Variants in CABP1 observed in about 807,000 individuals in gnomAD.
CABP1 encodes the protein calcium binding protein 1.
A neutral mutation model predicts 34.3 loss-of-function variants in CABP1; 17 were observed. That is an observed-to-expected ratio of 0.50 (90% CI 0.34 to 0.74). CABP1 has a LOEUF of 0.74. Ranked by LOEUF, CABP1 falls within the 30% of genes least tolerant of loss-of-function variation. The pLI is 0.01. For synonymous variants in CABP1, 198 were observed against 229.2 expected, an observed-to-expected ratio of 0.86 and a Z score of 1.23; for missense variants, 373 against 511.1, an observed-to-expected ratio of 0.73 and a Z score of 2.61.
intron 5 of CABP1, among the ~76,000 whole-genome samples, chr12:120,665,259 C>T (rs150029462): frequency 0.019 from 2,821 of 151,420 alleles, 92 homozygotes; most frequent in African/African-American, 0.065. Flanking sequence ...CCCGTCTCTA[C>T]TAAAAATACA....
chr12:120,656,255 G>A (rs1488321914), intron 1 of CABP1: 11 of 1,564,324 alleles, frequency 7.0e-6, no homozygotes, highest in African/African-American at 4.1e-5. Context: ...CAAGGGCTTC[G>A]CTGAGAACAG....
chr12:120,659,693 C>T (rs908843366), intron 1 of CABP1, 185 bp from the exon 2 acceptor site: 4 of 539,812 alleles, frequency 7.4e-6, no homozygotes, highest in Non-Finnish European at 1.3e-5. Context: ...GGCCCAGGAG[C>T]TTCTATGTCT....
Position 120,667,100 on chromosome 12 carries a change from G to GTTAGTT in CABP1, c.*200_*201insTTAGTT. On this transcript the variant is annotated 3_prime_UTR_variant, in exon 6 of 6. Transcript: ENST00000316803. ...CTAACTCCTGCAACTGGAAAGCGGGGGCGCCCGCCGACGAGGAGGCCACCG... is the reference window on the plus strand; with the variant it reads ...CTAACTCCTGCAACTGGAAAGCGGGGTTAGTTGCGCCCGCCGACGAGGAGGCCACCG... The GTTAGTT allele has an allele frequency of 1.6e-6, 1 of 634,626 alleles. No individual in the cohort carries two copies. Among genetic ancestry groups the GTTAGTT allele is most frequent in the Non-Finnish European group, 2.7e-6 (1 of 370,076 alleles). 39.3% of individuals were successfully genotyped at this position (634,626 alleles called of 1,614,324 possible).
Position 120,660,606 on chromosome 12 carries a change from T to C in CABP1, c.830-125T>C, listed in dbSNP as rs11065194. ...GGAAGAACTGAACAGAGGGCTCTTG[T>C]TATTATTAAGTTTGTCTCTATCTGA... On this transcript the variant is annotated intron_variant, in intron 3 of 5. Transcript: ENST00000316803. This position sits in a 1 kb window ranked among gnomAD's most constrained non-coding sequence, Gnocchi z 5.0. The C allele has an allele frequency of 0.027, 20,172 of 759,446 alleles. 1,279 individuals carry two copies. The highest frequency in any genetic ancestry group is 0.21 in the East Asian group (8,721 of 40,776). 47.0% of individuals were successfully genotyped at this position (759,446 alleles called of 1,614,324 possible). A position where few individuals can be genotyped will look rare whatever the true frequency, so the allele number is the denominator to read the frequency against.
chr12:120,652,933 A>G (rs937979824), intron 1 of CABP1, among the ~76,000 whole-genome samples: 1 of 152,090 alleles, frequency 6.6e-6, no homozygotes, highest in African/African-American at 2.4e-5. Flanking sequence ...GGGGAACTGG[A>G]AATGGTGAGA....
chr12:120,668,303 A>T (rs1038917281), downstream of CABP1, among the ~76,000 whole-genome samples: 4 of 152,152 alleles, frequency 2.6e-5, no homozygotes, highest in Admixed American at 6.5e-5. Context: ...TTCAAGACTA[A>T]CCTGACCAAC....
chr12:120,650,310 C>G, intron 1 of CABP1: 1 of 401,448 alleles, frequency 2.5e-6, no homozygotes, highest in African/African-American at 2.0e-5. Context: ...CAGCTTGGTT[C>G]CCCTCTGCCA....
rs1490942700 is a variant in CABP1 at position 120,661,792 on chromosome 12, CCTT to C, written c.1087+575_1087+577del. ...CTCTCCATTTTTCATCTGTTTATCT[CCTT>C]ATCTGTCCAGATGCCTATTTATCCA... On this transcript the variant is annotated intron_variant, in intron 5 of 5. Transcript: ENST00000316803. The surrounding 1 kb of genome is among the most constrained non-coding windows in gnomAD (Gnocchi z 5.1). 1 of 154,684 alleles carries C rather than the reference CCTT, an allele frequency of 6.5e-6. No individual in the cohort carries two copies. The highest frequency in any genetic ancestry group is 1.4e-5 in the Non-Finnish European group (1 of 69,510). 9.6% of individuals were successfully genotyped at this position (154,684 alleles called of 1,614,324 possible).
At chr12:120,666,754 C>A in intron 5 of CABP1, 121 bp from the exon 6 acceptor site, 4 of 1,074,624 alleles carry the variant, frequency 3.7e-6, no homozygotes, top group South Asian at 1.4e-5. Context: ...TTGGAGAGGG[C>A]GGAATGGATG....
At chr12:120,677,386 C>G in the CABP1 span, among the ~76,000 whole-genome samples, 5 of 141,666 alleles carry the variant, frequency 3.5e-5, no homozygotes, top group Admixed American at 2.9e-4. Flanking sequence ...CTATGCCCAG[C>G]CTTCTTTTTT....
chr12:120,673,924 G>C, the CABP1 span, among the ~76,000 whole-genome samples: 1 of 152,238 alleles, frequency 6.6e-6, no homozygotes, highest in Non-Finnish European at 1.5e-5. Flanking sequence ...GCTCATGCCT[G>C]TAATTCCAGC....
chr12:120,648,957 C>T (rs1879678051), intron 1 of CABP1, among the ~76,000 whole-genome samples: 2 of 152,110 alleles, frequency 1.3e-5, no homozygotes, highest in South Asian at 4.2e-4. Context: ...TTGGAGTCCA[C>T]TGACCCCTGC....
At chr12:120,642,150 C>T (rs1273293064) in intron 1 of CABP1, among the ~76,000 whole-genome samples, 5 of 152,140 alleles carry the variant, frequency 3.3e-5, no homozygotes, top group Non-Finnish European at 5.9e-5. Context: ...AACCTCTGAA[C>T]TCCTGAGCAA....
Position 120,661,102 on chromosome 12 carries a change from C to T in CABP1, c.971C>T (p.Thr324Ile). 1 of 1,613,750 alleles carries T rather than the reference C, an allele frequency of 6.2e-7. No individual in the cohort carries two copies. Among genetic ancestry groups the T allele is most frequent in the Non-Finnish European group, 8.5e-7 (1 of 1,179,908 alleles). The change falls in exon 5 of 6, where the codon ACC becomes ATC. Residue 324 changes from threonine (T) to isoleucine (I), a missense_variant. This residue lies in a region of CABP1 where 109 missense variants were observed against 204.8 expected (regional missense o/e 0.53). Transcript: ENST00000316803. The surrounding 1 kb of genome is among the most constrained non-coding windows in gnomAD (Gnocchi z 5.1). ...ACCAATGGTGATGGGGAAATAAGCACCAGTGAGCTGCGAGAGGCTATGAGG... is the reference window on the plus strand; with the variant it reads ...ACCAATGGTGATGGGGAAATAAGCATCAGTGAGCTGCGAGAGGCTATGAGG... ...FDTNGDGEIS[T>I]SELREAMRKL...
chr12:120,645,250 C>A (rs2137327923), intron 1 of CABP1, among the ~76,000 whole-genome samples: 1 of 152,274 alleles, frequency 6.6e-6, no homozygotes, highest in South Asian at 2.1e-4. Flanking sequence ...TCTGAGAGGG[C>A]TTGGAGCCCC....
In CABP1 at chr12:120,661,669, ATATC is replaced by A. The variant is rs1372269554; in HGVS notation, c.1087+456_1087+459del. 1.9e-5 allele frequency: 3 copies of A among 158,750 alleles called. No individual in the cohort carries two copies. The highest frequency in any genetic ancestry group is 1.7e-4 in the South Asian group (1 of 5,848). 9.8% of individuals were successfully genotyped at this position (158,750 alleles called of 1,614,324 possible). ...TCCATCCGTCCATCCATTCGTCTAC[ATATC>A]TATCCATCCATCCATCCATCCATCC... On this transcript the variant is annotated intron_variant, in intron 5 of 5. Transcript: ENST00000316803. This position sits in a 1 kb window ranked among gnomAD's most constrained non-coding sequence, Gnocchi z 5.1.
Position 120,667,216 on chromosome 12 carries a change from C to G in CABP1, c.*316C>G, listed in dbSNP as rs1421743121. Reference sequence around the variant, plus strand: ...GGCCAGGGAGCCCGCCAGCAGACCCCACACAGCATGTCCGCCCCAGGGCAA... The same window carrying G: ...GGCCAGGGAGCCCGCCAGCAGACCCGACACAGCATGTCCGCCCCAGGGCAA... On this transcript the variant is annotated 3_prime_UTR_variant, in exon 6 of 6. Transcript: ENST00000316803. 1.9e-6 allele frequency: 1 copy of G among 517,586 alleles called. No homozygotes were observed. Among genetic ancestry groups the G allele is most frequent in the Non-Finnish European group, 3.5e-6 (1 of 286,248 alleles). The allele number at this position is 517,586 out of a possible 1,614,324, so 32.1% of individuals were successfully genotyped here.
downstream of CABP1, among the ~76,000 whole-genome samples, chr12:120,669,140 G>A (rs761354344): frequency 3.9e-5 from 6 of 152,218 alleles, no homozygotes; most frequent in Non-Finnish European, 8.8e-5. Flanking sequence ...TCCGCTGCCC[G>A]CTGTGCTGCC....
the CABP1 span, among the ~76,000 whole-genome samples, chr12:120,673,293 T>A: frequency 3.7e-3 from 564 of 152,006 alleles, 2 homozygotes; most frequent in African/African-American, 0.013. Context: ...ATAAAAAAAA[T>A]ATCTAAAAAG....
Sources: gnomAD v4.1 joint callset for allele counts (sites outside exome capture counted in the v4.1 genomes callset) on GRCh38, gnomAD v4.1.1 for gene constraint, gnomAD v4.1.1 regional missense constraint, Gnocchi (gnomAD v3.1) non-coding constraint, MANE v1.5 for transcripts, NCBI Gene and HGNC (gene_info 2026-07-23, HGNC 2026-07-21) for gene names.